Variants in CSMD1 observed in about 807,000 individuals in gnomAD.
CSMD1 encodes CUB and Sushi multiple domains 1.
Under a neutral mutation model 417.5 loss-of-function variants are expected in CSMD1, and 213 were observed. The ratio of observed to expected loss-of-function variants is 0.51; its 90% CI spans 0.46 to 0.57. The LOEUF (loss-of-function observed/expected upper bound fraction) is 0.57, where lower values mean the gene tolerates loss of function less well. CSMD1 is among the 20% of genes least tolerant of loss of function. The probability of loss-of-function intolerance (pLI) is 0.00; values close to 1 mark genes in which losing one functional copy is unlikely to be tolerated. For synonymous variants in CSMD1, 2,862 were observed against 1,736.8 expected, an observed-to-expected ratio of 1.65 and a Z score of -16.11; for missense variants, 6,923 against 4,529.7, an observed-to-expected ratio of 1.53 and a Z score of -15.17.
intron 54 of CSMD1, among the ~76,000 whole-genome samples, chr8:2,982,280 C>T (rs1202352199): frequency 6.6e-6 from 1 of 152,160 alleles, no homozygotes; most frequent in Non-Finnish European, 1.5e-5. Context: ...TGCTTGAACC[C>T]AGGATGCGGA....
At chr8:3,294,997 A>C (rs1012962350) in intron 25 of CSMD1, among the ~76,000 whole-genome samples, 4 of 152,040 alleles carry the variant, frequency 2.6e-5, no homozygotes, top group Non-Finnish European at 5.9e-5. Context: ...TAGAAGCTTC[A>C]TATGTGTGTG....
At chr8:3,738,439 G>T (rs1416700388) in intron 6 of CSMD1, among the ~76,000 whole-genome samples, 1 of 152,094 alleles carries the variant, frequency 6.6e-6, no homozygotes, top group Non-Finnish European at 1.5e-5. Flanking sequence ...TTTCAATTTT[G>T]GGGGAAAATG....
intron 1 of CSMD1, among the ~76,000 whole-genome samples, chr8:4,749,230 G>C (rs1414732882): frequency 6.6e-6 from 1 of 152,152 alleles, no homozygotes; most frequent in South Asian, 2.1e-4. Flanking sequence ...TCATTAAAGG[G>C]TTAAATGTTA....
At chr8:3,750,265 T>C (rs1357036723) in intron 6 of CSMD1, among the ~76,000 whole-genome samples, 3 of 151,634 alleles carry the variant, frequency 2.0e-5, no homozygotes, top group Admixed American at 6.6e-5. Context: ...GATTATAATA[T>C]ATGCGAAGCA....
At chr8:3,537,576 G>C (rs571289696) in intron 10 of CSMD1, among the ~76,000 whole-genome samples, 1 of 152,244 alleles carries the variant, frequency 6.6e-6, no homozygotes, top group East Asian at 1.9e-4. Context: ...GTTTGTTTTA[G>C]ATAGCTCTAT....
chr8:4,284,920 T>A (rs28619306), intron 3 of CSMD1, among the ~76,000 whole-genome samples: 3 of 152,074 alleles, frequency 2.0e-5, no homozygotes, highest in Non-Finnish European at 4.4e-5. Context: ...AGTTTCAGGA[T>A]GCACCAGTTA....
At chr8:3,497,937 C>T (rs1796435701) in intron 10 of CSMD1, among the ~76,000 whole-genome samples, 1 of 152,182 alleles carries the variant, frequency 6.6e-6, no homozygotes, top group African/African-American at 2.4e-5. Context: ...ATCACCCTTT[C>T]ACTTTCAGAT....
intron 23 of CSMD1, among the ~76,000 whole-genome samples, chr8:3,314,907 A>G (rs1805635515): frequency 6.6e-6 from 1 of 152,242 alleles, no homozygotes; most frequent in Non-Finnish European, 1.5e-5. Flanking sequence ...GCTCACAGTA[A>G]TGTGAGTTTT....
At chr8:4,305,014 AAC>A (rs1301070759) in intron 3 of CSMD1, among the ~76,000 whole-genome samples, 13 of 152,280 alleles carry the variant, frequency 8.5e-5, no homozygotes, top group African/African-American at 2.9e-4. Flanking sequence ...ACCCACTACA[AAC>A]ACACAGTTCC....
chr8:4,704,012 C>T (rs565950257), intron 1 of CSMD1, among the ~76,000 whole-genome samples: 10 of 152,256 alleles, frequency 6.6e-5, no homozygotes, highest in South Asian at 4.1e-4. Flanking sequence ...ATGCCGATGC[C>T]GATGTGAGAC....
chr8:4,231,512 G>C (rs538153275), intron 3 of CSMD1, among the ~76,000 whole-genome samples: 1 of 65,048 alleles, frequency 1.5e-5, no homozygotes, highest in Non-Finnish European at 3.0e-5. Flanking sequence ...GGAGACATAA[G>C]AAAGGTCTGT....
chr8:3,761,387 C>G (rs963430734), intron 5 of CSMD1, among the ~76,000 whole-genome samples: 6 of 151,740 alleles, frequency 4.0e-5, no homozygotes, highest in African/African-American at 1.5e-4. Flanking sequence ...TATATACTAT[C>G]TGGGGAAAAA....
intron 3 of CSMD1, among the ~76,000 whole-genome samples, chr8:4,289,962 T>A (rs1797270899): frequency 6.6e-6 from 1 of 152,204 alleles, no homozygotes. Context: ...GAGAGGAGAC[T>A]CATTATTTCA....
intron 2 of CSMD1, among the ~76,000 whole-genome samples, chr8:4,427,238 C>A (rs998348985): frequency 1.3e-5 from 2 of 152,186 alleles, no homozygotes; most frequent in African/African-American, 4.8e-5. Context: ...ACGCCGTGCC[C>A]TGAATGGTCC....
At chr8:4,829,279 T>C (rs188837325) in intron 1 of CSMD1, among the ~76,000 whole-genome samples, 106 of 152,294 alleles carry the variant, frequency 7.0e-4, no homozygotes, top group African/African-American at 2.5e-3. Flanking sequence ...TTTGACAATA[T>C]TTAGTCATAA....
chr8:3,432,954 G>C (rs1814312655), intron 12 of CSMD1, among the ~76,000 whole-genome samples: 1 of 152,084 alleles, frequency 6.6e-6, no homozygotes, highest in Admixed American at 6.6e-5. Context: ...TCAATAAATG[G>C]GGGGGTTACA....
At chr8:4,627,058 G>C (rs980312517) in intron 2 of CSMD1, among the ~76,000 whole-genome samples, 1 of 152,072 alleles carries the variant, frequency 6.6e-6, no homozygotes, top group Non-Finnish European at 1.5e-5. Flanking sequence ...AATTAAAAGT[G>C]AATAACTCAC....
intron 2 of CSMD1, among the ~76,000 whole-genome samples, chr8:4,449,065 A>G (rs1798980137): frequency 6.6e-6 from 1 of 152,234 alleles, no homozygotes; most frequent in South Asian, 2.1e-4. Context: ...GAAGGATGCT[A>G]TAAACCTCTT....
At chr8:3,864,255 C>T (rs747538077) in intron 5 of CSMD1, among the ~76,000 whole-genome samples, 26 of 152,134 alleles carry the variant, frequency 1.7e-4, no homozygotes, top group Non-Finnish European at 3.1e-4. Context: ...TAAAATTAAA[C>T]TCCTGTGGGA....
Sources: gnomAD v4.1 joint callset for allele counts (sites outside exome capture counted in the v4.1 genomes callset) on GRCh38, gnomAD v4.1.1 for gene constraint, MANE v1.5 for transcripts, NCBI Gene and HGNC (gene_info 2026-07-23, HGNC 2026-07-21) for gene names.